Variants in SPATA17 observed in about 807,000 individuals in gnomAD.
The protein encoded by SPATA17 is spermatogenesis associated 17.
Under a neutral mutation model 62.2 loss-of-function variants are expected in SPATA17, and 53 were observed. The observed-to-expected ratio is 0.85, with a 90% confidence interval of 0.68 to 1.07. The LOEUF (loss-of-function observed/expected upper bound fraction) is 1.07. Among genes scored for constraint, SPATA17 ranks in the 50% least tolerant of loss-of-function variants. The pLI, the probability that SPATA17 is intolerant of heterozygous loss-of-function variation, is 0.00. For synonymous variants in SPATA17, 146 were observed against 146.8 expected (o/e 0.99, Z 0.04); for missense variants, 466 against 425.5 (o/e 1.10, Z -0.84).
chr1:217,668,168 A>G (rs1670745112), intron 3 of SPATA17, among the ~76,000 whole-genome samples: 1 of 152,208 alleles, frequency 6.6e-6, no homozygotes, highest in Non-Finnish European at 1.5e-5. Flanking sequence ...AAAATGGATA[A>G]AGTTGTATAC....
chr1:217,801,685 A>G, intron 8 of SPATA17, 33 bp from the exon 9 acceptor site: 1 of 1,547,156 alleles, frequency 6.5e-7, no homozygotes, highest in African/African-American at 1.4e-5. Flanking sequence ...TCTAGAAATC[A>G]AGTTAAGAAT....
At chr1:217,851,595 AAT>A (rs571787741) in intron 9 of SPATA17, among the ~76,000 whole-genome samples, 63 of 152,304 alleles carry the variant, frequency 4.1e-4, no homozygotes, top group African/African-American at 1.4e-3. Context: ...AACTGCAATT[AAT>A]ATGTTTTCTG....
At chr1:217,794,899 T>C (rs948079280) in intron 8 of SPATA17, among the ~76,000 whole-genome samples, 3 of 152,210 alleles carry the variant, frequency 2.0e-5, no homozygotes, top group Admixed American at 6.5e-5. Flanking sequence ...GAACTAGATT[T>C]TGCTTGTTTT....
At chr1:217,731,863 A>G (rs1293790324) in intron 5 of SPATA17, among the ~76,000 whole-genome samples, 3 of 152,204 alleles carry the variant, frequency 2.0e-5, no homozygotes, top group Non-Finnish European at 4.4e-5. Flanking sequence ...GAACATATGT[A>G]TACCTAAATA....
intron 6 of SPATA17, among the ~76,000 whole-genome samples, chr1:217,758,296 C>T (rs1264232738): frequency 2.6e-5 from 4 of 152,070 alleles, no homozygotes; most frequent in Non-Finnish European, 5.9e-5. Context: ...TAGAACAGAG[C>T]CACATGTACA....
chr1:217,638,480 A>G (rs778501393), intron 1 of SPATA17, among the ~76,000 whole-genome samples: 1 of 152,168 alleles, frequency 6.6e-6, no homozygotes, highest in Non-Finnish European at 1.5e-5. Context: ...ATTTGCCAAC[A>G]TGTTCACTGC....
chr1:217,672,793 A>C (rs1383745133), intron 4 of SPATA17, among the ~76,000 whole-genome samples: 1 of 151,968 alleles, frequency 6.6e-6, no homozygotes, highest in African/African-American at 2.4e-5. Flanking sequence ...TTCCTATTTT[A>C]CCATTGACAT....
At chr1:217,770,846 G>A (rs564436270) in intron 6 of SPATA17, among the ~76,000 whole-genome samples, 72 of 152,088 alleles carry the variant, frequency 4.7e-4, no homozygotes, top group Non-Finnish European at 9.4e-4. Context: ...GGGTGACTGG[G>A]TAACAAATGG....
intron 3 of SPATA17, among the ~76,000 whole-genome samples, chr1:217,667,707 A>G (rs1670730726): frequency 6.6e-6 from 1 of 152,262 alleles, no homozygotes; most frequent in Non-Finnish European, 1.5e-5. Context: ...TTGGAAATAT[A>G]TAATATCCAA....
intron 9 of SPATA17, among the ~76,000 whole-genome samples, chr1:217,847,564 G>A: frequency 6.6e-6 from 1 of 152,094 alleles, no homozygotes; most frequent in East Asian, 1.9e-4. Context: ...AGCTTGTAGA[G>A]GGGGTTGGTA....
chr1:217,701,378 TTTTA>T (rs1306756988), intron 5 of SPATA17, among the ~76,000 whole-genome samples: 17 of 151,776 alleles, frequency 1.1e-4, no homozygotes, highest in African/African-American at 4.1e-4. Context: ...TTATTTTTTG[TTTTA>T]TTTATTTATT....
chr1:217,668,942 G>A, intron 3 of SPATA17, 91 bp from the exon 4 acceptor site: 1 of 1,084,156 alleles, frequency 9.2e-7, no homozygotes, highest in Non-Finnish European at 1.4e-6. Flanking sequence ...TATGTATTAT[G>A]TATAAAGATT....
intron 3 of SPATA17, among the ~76,000 whole-genome samples, chr1:217,662,668 C>G (rs139071959): frequency 6.6e-6 from 1 of 151,932 alleles, no homozygotes; most frequent in Non-Finnish European, 1.5e-5. Context: ...TATGTTGTTA[C>G]GATAAAAGCC....
chr1:217,659,792 C>T (rs926426678), intron 3 of SPATA17, among the ~76,000 whole-genome samples: 2 of 152,124 alleles, frequency 1.3e-5, no homozygotes, highest in Middle Eastern at 3.2e-3. Context: ...GACTCTCTAC[C>T]ACCTCTTGTT....
rs566654225 is a variant in SPATA17, at chr1:217,833,390, T to C, written c.1006-29384T>C. On this transcript the variant is annotated intron_variant, in intron 9 of 10. Coordinates refer to ENST00000366933, the MANE Select transcript of SPATA17 (RefSeq NM_138796.4). The stretch of plus-strand genomic sequence containing the variant: ...AAAATGATTCTCTACAGTGTAATTA[T>C]ATTCTCTAAGGAGGGATAGCGTTAA... Among the ~76,000 whole-genome samples, 7 of 152,302 alleles carry C rather than the reference T, an allele frequency of 4.6e-5. No homozygotes were observed. In the South Asian group the frequency reaches 1.0e-3, roughly 23 times the overall value.
At chr1:217,739,964 C>T (rs1672590761) in intron 5 of SPATA17, among the ~76,000 whole-genome samples, 1 of 151,902 alleles carries the variant, frequency 6.6e-6, no homozygotes, top group African/African-American at 2.4e-5. Flanking sequence ...TGGAAAGTAA[C>T]TTTCTTTTCC....
intron 5 of SPATA17, among the ~76,000 whole-genome samples, chr1:217,711,879 G>C: frequency 6.6e-6 from 1 of 152,126 alleles, no homozygotes; most frequent in South Asian, 2.1e-4. Context: ...GGAGCCTGTT[G>C]CCTTGACAGA....
chr1:217,864,366 A>G (rs2103017496), intron 10 of SPATA17, among the ~76,000 whole-genome samples: 1 of 152,324 alleles, frequency 6.6e-6, no homozygotes, highest in East Asian at 1.9e-4. Context: ...TACTATGCAG[A>G]CAGTAAAATG....
intron 5 of SPATA17, among the ~76,000 whole-genome samples, chr1:217,720,444 C>T (rs1672100009): frequency 6.6e-6 from 1 of 152,000 alleles, no homozygotes. Flanking sequence ...GTTCTTCTTC[C>T]ATTTTTTTTC....
Sources: gnomAD v4.1 joint callset for allele counts (sites outside exome capture counted in the v4.1 genomes callset) on GRCh38, gnomAD v4.1.1 for gene constraint, MANE v1.5 for transcripts, NCBI Gene and HGNC (gene_info 2026-07-23, HGNC 2026-07-21) for gene names.